Variants in RBFOX1 observed in about 807,000 individuals in gnomAD.
RBFOX1 encodes the protein RNA binding fox-1 homolog 1.
A neutral mutation model predicts 57.7 loss-of-function variants in RBFOX1; 8 were observed. That is an observed-to-expected ratio of 0.14 (90% CI 0.08 to 0.25). The LOEUF (loss-of-function observed/expected upper bound fraction) is 0.25. RBFOX1 is among the 10% of genes least tolerant of loss of function. The pLI is 1.00. For synonymous variants in RBFOX1, 326 were observed against 222.4 expected (o/e 1.47, Z -4.15); for missense variants, 611 against 548.5 (o/e 1.11, Z -1.14).
chr16:6,496,189 G>A (rs1294036103), intron 2 of RBFOX1, among the ~76,000 whole-genome samples: 5 of 152,132 alleles, frequency 3.3e-5, no homozygotes, highest in East Asian at 1.9e-4. Context: ...GTTTATAAAA[G>A]GCATGTGCAC....
intron 3 of RBFOX1, among the ~76,000 whole-genome samples, chr16:6,672,070 GTT>G (rs1424681281): frequency 6.6e-6 from 1 of 152,186 alleles, no homozygotes; most frequent in African/African-American, 2.4e-5. Flanking sequence ...TCCGATAGTT[GTT>G]AATCACATTC....
intron 4 of RBFOX1, among the ~76,000 whole-genome samples, chr16:5,892,275 G>A (rs1404601289): frequency 2.0e-5 from 3 of 152,180 alleles, no homozygotes; most frequent in Non-Finnish European, 4.4e-5. Flanking sequence ...GGGAGACCAA[G>A]CCTGATCTTG....
chr16:6,660,216 C>T (rs1239424082), intron 3 of RBFOX1, among the ~76,000 whole-genome samples: 1 of 143,482 alleles, frequency 7.0e-6, no homozygotes, highest in African/African-American at 2.6e-5. Flanking sequence ...AAGAGTGAGA[C>T]TTCATCTTAA....
intron 2 of RBFOX1, among the ~76,000 whole-genome samples, chr16:6,527,480 T>C (rs1168646689): frequency 6.6e-6 from 1 of 152,170 alleles, no homozygotes; most frequent in African/African-American, 2.4e-5. Flanking sequence ...TGGATAAATA[T>C]TCAAGTTGAA....
chr16:7,173,436 C>G (rs1236861955), intron 4 of RBFOX1, among the ~76,000 whole-genome samples: 2 of 152,158 alleles, frequency 1.3e-5, no homozygotes, highest in African/African-American at 2.4e-5. Context: ...TTCAGTGACT[C>G]TGAAAGGGAG....
At chr16:6,823,554 G>A (rs1164341250) in intron 3 of RBFOX1, among the ~76,000 whole-genome samples, 3 of 152,092 alleles carry the variant, frequency 2.0e-5, no homozygotes, top group African/African-American at 7.2e-5. Context: ...ACTGTGTCTG[G>A]CCACCACATG....
At chr16:6,876,184 C>G (rs936215539) in intron 3 of RBFOX1, among the ~76,000 whole-genome samples, 10 of 147,250 alleles carry the variant, frequency 6.8e-5, no homozygotes, top group African/African-American at 1.5e-4. Context: ...AGGACCCTCT[C>G]AAAAAAAACA....
intron 1 of RBFOX1, among the ~76,000 whole-genome samples, chr16:5,309,784 A>G (rs959575369): frequency 6.6e-6 from 1 of 152,204 alleles, no homozygotes; most frequent in African/African-American, 2.4e-5. Flanking sequence ...ATTAAACTAT[A>G]CCGTAAGTGT....
At chr16:6,559,327 C>A (rs916024968) in intron 2 of RBFOX1, among the ~76,000 whole-genome samples, 1 of 151,642 alleles carries the variant, frequency 6.6e-6, no homozygotes, top group Non-Finnish European at 1.5e-5. Context: ...ATATTTAGAA[C>A]ATGTATATGT....
At chr16:7,320,375 A>T (rs948176924) in intron 4 of RBFOX1, among the ~76,000 whole-genome samples, 6 of 152,148 alleles carry the variant, frequency 3.9e-5, no homozygotes, top group African/African-American at 1.4e-4. Context: ...AATGGCTTCC[A>T]GCTCCATCCA....
intron 1 of RBFOX1, among the ~76,000 whole-genome samples, chr16:5,360,004 A>G (rs2065499306): frequency 6.6e-6 from 1 of 152,192 alleles, no homozygotes; most frequent in Non-Finnish European, 1.5e-5. Context: ...ATAAATTTAC[A>G]TTGAAGGTTA....
intron 2 of RBFOX1, among the ~76,000 whole-genome samples, chr16:6,448,050 C>G (rs1392461158): frequency 1.3e-5 from 2 of 151,934 alleles, no homozygotes; most frequent in East Asian, 1.9e-4. Flanking sequence ...AAAGACATTT[C>G]CCTTAATTCA....
chr16:5,793,730 T>G (rs2054781809), intron 3 of RBFOX1, among the ~76,000 whole-genome samples: 1 of 152,236 alleles, frequency 6.6e-6, no homozygotes, highest in South Asian at 2.1e-4. Context: ...CCTGGATCTA[T>G]GTACATGTGC....
At chr16:5,459,602 T>G (rs896418512) in intron 1 of RBFOX1, among the ~76,000 whole-genome samples, 3 of 152,072 alleles carry the variant, frequency 2.0e-5, no homozygotes, top group African/African-American at 7.2e-5. Context: ...CCCCAATTTT[T>G]CCTTCCCCCA....
intron 1 of RBFOX1, among the ~76,000 whole-genome samples, chr16:6,168,928 A>C (rs191208852): frequency 2.0e-5 from 3 of 152,130 alleles, no homozygotes; most frequent in Non-Finnish European, 4.4e-5. Context: ...AGTCAGGAGT[A>C]GGAAGAAGGT....
intron 1 of RBFOX1, among the ~76,000 whole-genome samples, chr16:5,301,777 C>T (rs1173642598): frequency 6.6e-6 from 1 of 152,082 alleles, no homozygotes; most frequent in Admixed American, 6.5e-5. Flanking sequence ...CAGATGAAAC[C>T]CTGTAGAAAC....
intron 3 of RBFOX1, among the ~76,000 whole-genome samples, chr16:6,711,861 C>T (rs181599994): frequency 3.9e-5 from 6 of 152,142 alleles, no homozygotes; most frequent in Non-Finnish European, 8.8e-5. Flanking sequence ...CTTATTCCTA[C>T]CCAATTTGAG....
intron 3 of RBFOX1, among the ~76,000 whole-genome samples, chr16:6,944,099 C>G (rs889004565): frequency 6.6e-6 from 1 of 152,022 alleles, no homozygotes; most frequent in South Asian, 2.1e-4. Flanking sequence ...CTAGACTCTA[C>G]TTAAGACCAC....
At chr16:6,628,054 T>C (rs1174566669) in intron 2 of RBFOX1, among the ~76,000 whole-genome samples, 1 of 152,124 alleles carries the variant, frequency 6.6e-6, no homozygotes, top group African/African-American at 2.4e-5. Context: ...TCACTGAGCG[T>C]GAATGTCCAT....
Sources: allele counts gnomAD v4.1 joint callset (sites outside exome capture counted in the v4.1 genomes callset), GRCh38; gene constraint gnomAD v4.1.1; transcripts MANE v1.5; gene names NCBI Gene and HGNC (gene_info 2026-07-23, HGNC 2026-07-21).